The following DPF3 variants were observed in gnomAD, a reference collection of about 807,000 sequenced individuals.
DPF3 encodes zinc finger protein DPF3.
Under a neutral mutation model 56.8 loss-of-function variants are expected in DPF3, and 18 were observed. The ratio of observed to expected loss-of-function variants is 0.32; its 90% CI spans 0.22 to 0.47. The LOEUF (loss-of-function observed/expected upper bound fraction) is 0.47. Ranked by LOEUF, DPF3 falls within the 20% of genes least tolerant of loss-of-function variation. The probability of loss-of-function intolerance (pLI) is 1.00; values close to 1 mark genes in which losing one functional copy is unlikely to be tolerated. For synonymous variants in DPF3, 188 were observed against 180.2 expected, an observed-to-expected ratio of 1.04 and a Z score of -0.35; for missense variants, 403 against 488.8, an observed-to-expected ratio of 0.82 and a Z score of 1.65.
rs760689191 is a variant in DPF3, at chr14:72,671,153, T to C, written c.871+3087A>G. 18 of 1,613,836 alleles carry C rather than the reference T, an allele frequency of 1.1e-5. No individual in the cohort carries two copies. The South Asian group carries it at 1.3e-4, about 12-fold the overall frequency. ...CCGTGGGTTTAGCAACTGCCCTTTT[T>C]ATCTGCTGTGGGCGAACCCCGGCCA... On this transcript the variant is annotated intron_variant, in intron 8 of 10. Coordinates refer to ENST00000556509, the MANE Select transcript of DPF3 (RefSeq NM_001280542.3).
At chr14:72,629,528 G>T in intron 9 of DPF3, 96 bp downstream of exon 9, 1 of 1,211,084 alleles carries the variant, frequency 8.3e-7, no homozygotes, top group Non-Finnish European at 1.2e-6. Context: ...ACAGGCCCCA[G>T]GGGCCTAGTG....
At chr14:72,788,840 G>T (rs1892317011) in intron 1 of DPF3, among the ~76,000 whole-genome samples, 1 of 152,230 alleles carries the variant, frequency 6.6e-6, no homozygotes, top group Non-Finnish European at 1.5e-5. Flanking sequence ...GTTGAGGCCA[G>T]GCCTGAGGAA....
intron 1 of DPF3, among the ~76,000 whole-genome samples, chr14:72,849,341 A>G (rs1884881748): frequency 6.6e-6 from 1 of 152,198 alleles, no homozygotes; most frequent in Non-Finnish European, 1.5e-5. Flanking sequence ...ACATGACGGC[A>G]GAGGGCAAAC....
intron 7 of DPF3, among the ~76,000 whole-genome samples, chr14:72,677,896 G>C (rs891709036): frequency 6.6e-6 from 1 of 152,080 alleles, no homozygotes; most frequent in South Asian, 2.1e-4. Flanking sequence ...GAACATAGAA[G>C]ACAATGATTC....
chr14:72,753,254 G>A lies in DPF3; in HGVS notation c.301+10C>T, dbSNP rs1241304033. 2 of 1,612,578 alleles carry A rather than the reference G, an allele frequency of 1.2e-6. No individual in the cohort carries two copies. The stretch of plus-strand genomic sequence containing the variant: ...ATCACAGACCCAGCCAAGCTCCAGA[G>A]GGCACTGACCAGGTTTTATCTCCAG... On this transcript the variant is annotated intron_variant, in intron 3 of 10. Coordinates refer to ENST00000556509, the MANE Select transcript of DPF3 (RefSeq NM_001280542.3).
chr14:72,649,784 G>A (rs188817648), intron 8 of DPF3, among the ~76,000 whole-genome samples: 1 of 152,078 alleles, frequency 6.6e-6, no homozygotes. Flanking sequence ...AGGTATTATT[G>A]TCTCCATTTT....
intron 1 of DPF3, among the ~76,000 whole-genome samples, chr14:72,890,219 C>T (rs1368311260): frequency 1.3e-5 from 2 of 151,992 alleles, no homozygotes; most frequent in African/African-American, 4.8e-5. Context: ...GGCCAGACAT[C>T]GTGGCTCACT....
chr14:72,722,742 A>ACATG (rs1889229434), intron 5 of DPF3, among the ~76,000 whole-genome samples: 1 of 152,194 alleles, frequency 6.6e-6, no homozygotes, highest in South Asian at 2.1e-4. Flanking sequence ...GGTTATTGTC[A>ACATG]CATGCCCTTG....
At chr14:72,797,997 G>A (rs1892706815) in intron 1 of DPF3, among the ~76,000 whole-genome samples, 3 of 152,152 alleles carry the variant, frequency 2.0e-5, no homozygotes, top group Admixed American at 6.5e-5. Flanking sequence ...GCTCTTGCCT[G>A]TAATCCCAGC....
At chr14:72,787,646 C>T (rs1213220901) in intron 1 of DPF3, among the ~76,000 whole-genome samples, 1 of 152,208 alleles carries the variant, frequency 6.6e-6, no homozygotes, top group Non-Finnish European at 1.5e-5. Flanking sequence ...GATTATTACA[C>T]TTTTCCCTCT....
intron 9 of DPF3, among the ~76,000 whole-genome samples, chr14:72,623,525 G>A (rs1304877612): frequency 6.6e-6 from 1 of 152,082 alleles, no homozygotes; most frequent in Non-Finnish European, 1.5e-5. Context: ...TATATTATTG[G>A]TTTAAATATT....
chr14:72,782,485 A>G (rs1426522527), intron 1 of DPF3, among the ~76,000 whole-genome samples: 11 of 152,128 alleles, frequency 7.2e-5, no homozygotes, highest in Non-Finnish European at 1.3e-4. Context: ...TCAGTCTCCC[A>G]AAGACCTGGG....
chr14:72,801,756 A>G (rs1028429863), intron 1 of DPF3, among the ~76,000 whole-genome samples: 1 of 152,200 alleles, frequency 6.6e-6, no homozygotes, highest in Non-Finnish European at 1.5e-5. Flanking sequence ...CAAGGCCCAT[A>G]CACACTTGGA....
intron 2 of DPF3, among the ~76,000 whole-genome samples, chr14:72,764,347 T>G (rs1424076238): frequency 6.6e-6 from 1 of 152,106 alleles, no homozygotes; most frequent in East Asian, 1.9e-4. Context: ...GGAGGGTGGC[T>G]CACCTGGAGA....
intron 1 of DPF3, among the ~76,000 whole-genome samples, chr14:72,845,789 T>C (rs1884725408): frequency 6.6e-6 from 1 of 152,198 alleles, no homozygotes. Context: ...AAAGTTAAGA[T>C]TCCTGTTCTG....
chr14:72,679,353 A>G (rs972419638), intron 7 of DPF3: 3 of 152,438 alleles, frequency 2.0e-5, no homozygotes, highest in Admixed American at 1.3e-4. Flanking sequence ...GCACGTGCAC[A>G]AAAGCATGGC....
At chr14:72,770,818 G>C (rs960223045) in intron 2 of DPF3, among the ~76,000 whole-genome samples, 1 of 152,178 alleles carries the variant, frequency 6.6e-6, no homozygotes, top group Non-Finnish European at 1.5e-5. Context: ...CTAATAAAAA[G>C]GTCTTTATTC....
At chr14:72,634,149 C>T (rs74446218) in intron 8 of DPF3, among the ~76,000 whole-genome samples, 6,005 of 152,226 alleles carry the variant, frequency 0.039, 277 homozygotes, top group East Asian at 0.16. Context: ...CAGGACATCA[C>T]TCAAGCGCAA....
Position 72,610,366 on chromosome 14 carries a change from C to T in DPF3, c.*8931G>A, listed in dbSNP as rs1159465280. Among the ~76,000 whole-genome samples, 1 of 152,194 alleles carries T rather than the reference C, an allele frequency of 6.6e-6. No homozygotes were observed. On this transcript the variant is annotated 3_prime_UTR_variant, in exon 11 of 11. Transcript: ENST00000556509. ...TCATCCTTCCTACCATAGGAGCCACCTGCCAAAGCCCACCCAGAGGAATCC... is the reference window on the plus strand; with the variant it reads ...TCATCCTTCCTACCATAGGAGCCACTTGCCAAAGCCCACCCAGAGGAATCC...
Sources: gnomAD v4.1 joint callset for allele counts (sites outside exome capture counted in the v4.1 genomes callset) on GRCh38, gnomAD v4.1.1 for gene constraint, MANE v1.5 for transcripts, NCBI Gene and HGNC (gene_info 2026-07-23, HGNC 2026-07-21) for gene names.